ATG10: variants seen among roughly 807,000 people sequenced by gnomAD.
The protein encoded by ATG10 is ubiquitin-like-conjugating enzyme ATG10.
In ATG10, 30 loss-of-function variants were observed where a neutral mutation model predicts 32.1. That is an observed-to-expected ratio of 0.94 (90% CI 0.70 to 1.27). The LOEUF (loss-of-function observed/expected upper bound fraction) is 1.27. Ranked by LOEUF, ATG10 falls within the 50% of genes most tolerant of loss-of-function variation. The probability of loss-of-function intolerance (pLI) is 0.00; values close to 1 mark genes in which losing one functional copy is unlikely to be tolerated. For missense variants in ATG10, 233 were observed against 262.3 expected, an observed-to-expected ratio of 0.89 and a Z score of 0.77; for synonymous variants, 87 against 91.5, an observed-to-expected ratio of 0.95 and a Z score of 0.28.
At chr5:82,168,091 A>G (rs1460764482) in intron 4 of ATG10, among the ~76,000 whole-genome samples, 1 of 150,082 alleles carries the variant, frequency 6.7e-6, no homozygotes, top group Non-Finnish European at 1.5e-5. Context: ...TTTTTTTCCC[A>G]CTGTTTTTGA....
At chr5:82,013,430 G>A (rs1237544210) in intron 2 of ATG10, among the ~76,000 whole-genome samples, 1 of 152,132 alleles carries the variant, frequency 6.6e-6, no homozygotes, top group Non-Finnish European at 1.5e-5. Flanking sequence ...TAGTATTTGG[G>A]CTGGTTTCAT....
chr5:82,030,435 T>C (rs981862784), intron 2 of ATG10, among the ~76,000 whole-genome samples: 1 of 152,200 alleles, frequency 6.6e-6, no homozygotes, highest in Non-Finnish European at 1.5e-5. Flanking sequence ...CAAAGAACAG[T>C]TCTATCATTG....
intron 2 of ATG10, among the ~76,000 whole-genome samples, chr5:81,993,320 TTTCTTTCC>T (rs1761520846): frequency 9.7e-6 from 1 of 103,458 alleles, no homozygotes. Flanking sequence ...CCTTTCTTTC[TTTCTTTCC>T]TTCCTTCCTT....
At chr5:82,001,954 C>A (rs1387785576) in intron 2 of ATG10, among the ~76,000 whole-genome samples, 1 of 152,080 alleles carries the variant, frequency 6.6e-6, no homozygotes, top group African/African-American at 2.4e-5. Context: ...AAAACCCAAT[C>A]CCATTAAAAA....
chr5:82,078,164 G>A (rs542806939), intron 3 of ATG10, among the ~76,000 whole-genome samples: 1 of 152,224 alleles, frequency 6.6e-6, no homozygotes, highest in Non-Finnish European at 1.5e-5. Context: ...ACTATCCCAC[G>A]TACTTTCTTG....
At chr5:82,240,562 AATAG>A (rs1299399091) in intron 5 of ATG10, among the ~76,000 whole-genome samples, 2 of 152,224 alleles carry the variant, frequency 1.3e-5, no homozygotes, top group Non-Finnish European at 2.9e-5. Flanking sequence ...TGGGTATAAA[AATAG>A]ATAGATGGAG....
At chr5:82,058,681 C>A in intron 3 of ATG10, 79 bp downstream of exon 3, 1 of 884,978 alleles carries the variant, frequency 1.1e-6, no homozygotes, top group Non-Finnish European at 1.8e-6. Context: ...ATGACTCCAT[C>A]GCATTCCATC....
intron 1 of ATG10, among the ~76,000 whole-genome samples, chr5:81,982,164 AT>A (rs1459189583): frequency 1.3e-5 from 2 of 152,252 alleles, no homozygotes; most frequent in Non-Finnish European, 2.9e-5. Context: ...AAATGGATGT[AT>A]TAACAACTTA....
chr5:82,081,280 A>G (rs1215002040), intron 3 of ATG10, among the ~76,000 whole-genome samples: 1 of 152,180 alleles, frequency 6.6e-6, no homozygotes, highest in Non-Finnish European at 1.5e-5. Flanking sequence ...AGGTTTTCTA[A>G]ATATACAATC....
intron 2 of ATG10, among the ~76,000 whole-genome samples, chr5:82,014,924 G>C (rs1266001294): frequency 2.0e-5 from 3 of 152,202 alleles, no homozygotes; most frequent in Admixed American, 6.5e-5. Flanking sequence ...TCCTAGCCTT[G>C]ACGGTCTTTA....
intron 5 of ATG10, among the ~76,000 whole-genome samples, chr5:82,196,911 T>G (rs1744871766): frequency 6.6e-6 from 1 of 152,208 alleles, no homozygotes; most frequent in Non-Finnish European, 1.5e-5. Context: ...TAGCATCAGT[T>G]TCTCAATTTC....
chr5:82,199,040 T>C (rs1395613739), intron 5 of ATG10, among the ~76,000 whole-genome samples: 1 of 152,212 alleles, frequency 6.6e-6, no homozygotes, highest in Non-Finnish European at 1.5e-5. Context: ...CCACAGGGAA[T>C]CTTCAATGCA....
intron 3 of ATG10, among the ~76,000 whole-genome samples, chr5:82,077,378 T>A (rs1764311852): frequency 6.6e-6 from 1 of 152,102 alleles, no homozygotes; most frequent in South Asian, 2.1e-4. Context: ...AATATAAGAT[T>A]CAGTGTTAAA....
chr5:82,161,696 AACACACACACACACAC>A (rs60780834), intron 3 of ATG10, among the ~76,000 whole-genome samples: 1 of 129,662 alleles, frequency 7.7e-6, no homozygotes, highest in Non-Finnish European at 1.6e-5. Context: ...TTAGAGAATA[AACACACACACACACAC>A]ACACACACAC....
chr5:82,058,188 A>T (rs897122153), intron 2 of ATG10, among the ~76,000 whole-genome samples: 7 of 152,136 alleles, frequency 4.6e-5, no homozygotes, highest in African/African-American at 1.7e-4. Context: ...GTGACAAGCT[A>T]TTTCTATAAG....
At chr5:82,152,697 C>T (rs979329579) in intron 3 of ATG10, among the ~76,000 whole-genome samples, 1 of 152,162 alleles carries the variant, frequency 6.6e-6, no homozygotes, top group Admixed American at 6.5e-5. Flanking sequence ...ATTTTTCCTT[C>T]ACCTTTGTCT....
At chr5:82,088,476 A>G (rs1764764026) in intron 3 of ATG10, among the ~76,000 whole-genome samples, 1 of 152,172 alleles carries the variant, frequency 6.6e-6, no homozygotes, top group Non-Finnish European at 1.5e-5. Context: ...AATTAAGGTG[A>G]TTGCAGGGGA....
intron 3 of ATG10, among the ~76,000 whole-genome samples, chr5:82,066,350 T>G (rs933562916): frequency 6.6e-6 from 1 of 152,192 alleles, no homozygotes; most frequent in Non-Finnish European, 1.5e-5. Context: ...CTCATCCTTT[T>G]GCAGAGGTAT....
intron 5 of ATG10, among the ~76,000 whole-genome samples, chr5:82,197,121 T>G (rs1045944457): frequency 2.0e-5 from 3 of 152,190 alleles, no homozygotes; most frequent in African/African-American, 7.2e-5. Flanking sequence ...TTCATTAAAT[T>G]TATTCCTACA....
Sources: gnomAD v4.1 joint callset for allele counts (sites outside exome capture counted in the v4.1 genomes callset) on GRCh38, gnomAD v4.1.1 for gene constraint, MANE v1.5 for transcripts, NCBI Gene and HGNC (gene_info 2026-07-23, HGNC 2026-07-21) for gene names.